Variants in COL4A5 observed in about 807,000 individuals in gnomAD.
The protein encoded by COL4A5 is collagen alpha-5(IV) chain.
COL4A5 carries 26 observed loss-of-function variants against 130.2 expected under a neutral mutation model. The ratio of observed to expected loss-of-function variants is 0.20; its 90% CI spans 0.15 to 0.28. The LOEUF is 0.28. COL4A5 is among the 10% of genes least tolerant of loss of function. The pLI, the probability that COL4A5 is intolerant of heterozygous loss-of-function variation, is 1.00. For missense variants in COL4A5, 1,131 were observed against 1,344.3 expected (o/e 0.84, Z 2.48); for synonymous variants, 496 against 439.6 (o/e 1.13, Z -1.60).
intron 1 of COL4A5, among the ~76,000 whole-genome samples, chrX:108,466,105 G>A (rs2064703121): frequency 9.0e-6 from 1 of 110,871 alleles, no homozygotes; most frequent in Non-Finnish European, 1.9e-5. Flanking sequence ...GAATAATTTT[G>A]CATTGTATGG....
At position 108,578,004 on chromosome X, in the gene COL4A5, T is replaced by C. The variant is rs1049914060; in HGVS notation, c.645+17T>C. Reference sequence around the variant, plus strand: ...GGACCTAAGGTAATTTTCTTTTTCTTTATATCTTTTATTTGGTGTGGATTC... The same window carrying C: ...GGACCTAAGGTAATTTTCTTTTTCTCTATATCTTTTATTTGGTGTGGATTC... On this transcript the variant is annotated intron_variant, in intron 11 of 52. Transcript: ENST00000328300. 1 of 1,200,780 alleles carries C rather than the reference T, an allele frequency of 8.3e-7. No individual in the cohort carries two copies. Among genetic ancestry groups the C allele is most frequent in the African/African-American group, 1.8e-5 (1 of 56,790 alleles).
intron 36 of COL4A5, among the ~76,000 whole-genome samples, chrX:108,654,514 C>T (rs1176362170): frequency 8.9e-6 from 1 of 112,776 alleles, no homozygotes; most frequent in Non-Finnish European, 1.9e-5. Context: ...GGCATGATCA[C>T]GGCTCAATAT....
At chrX:108,462,925 C>T (rs2064667833) in intron 1 of COL4A5, 1 of 112,069 alleles carries the variant, frequency 8.9e-6, no homozygotes, top group Non-Finnish European at 1.9e-5. Context: ...ACATATTCTT[C>T]TTGTCCTTCC....
At chrX:108,681,688 CT>C in intron 46 of COL4A5, 71 bp from the exon 47 acceptor site, 18 of 1,197,073 alleles carry the variant, frequency 1.5e-5, no homozygotes, top group Non-Finnish European at 2.0e-5. Flanking sequence ...TTGTCCTGAA[CT>C]TAGGTCACTT....
chrX:108,569,741 A>G (rs1283704997), intron 6 of COL4A5, among the ~76,000 whole-genome samples: 1 of 110,649 alleles, frequency 9.0e-6, no homozygotes, highest in Non-Finnish European at 1.9e-5. Context: ...GTGCAATGTC[A>G]CGATCTCGGC....
intron 36 of COL4A5, chrX:108,626,957 C>T: frequency 8.1e-6 from 6 of 745,242 alleles, no homozygotes; most frequent in Non-Finnish European, 7.9e-6. Context: ...AGACCACAGA[C>T]CTAAAAAGTA....
At chrX:108,635,422 ACT>A (rs751674421) in intron 36 of COL4A5, among the ~76,000 whole-genome samples, 9 of 111,450 alleles carry the variant, frequency 8.1e-5, no homozygotes, top group Non-Finnish European at 1.7e-4. Flanking sequence ...AAATATAATG[ACT>A]CTATGGAACT....
At chrX:108,561,632 G>A (rs967489281) in intron 3 of COL4A5, among the ~76,000 whole-genome samples, 1 of 110,271 alleles carries the variant, frequency 9.1e-6, no homozygotes, top group African/African-American at 3.3e-5. Context: ...AAGGAAAACT[G>A]GCTTAAAACC....
chrX:108,571,564 A>G (rs368401149), intron 7 of COL4A5, 98 bp downstream of exon 7: 3 of 692,079 alleles, frequency 4.3e-6, no homozygotes, highest in East Asian at 3.2e-5. Flanking sequence ...GAACAAAGTA[A>G]TACATTTTAA....
In COL4A5 at chrX:108,680,696, G is replaced by A. The variant is rs752288966; in HGVS notation, c.3960G>A (p.Pro1320=). The A allele has an allele frequency of 5.9e-5, 71 of 1,207,592 alleles. 1 individual carries two copies. The Admixed American group carries it at 1.4e-3, about 24-fold the overall frequency. ...PPGLQGNPGR[P]GLNGMKGDPG... ...TTATTCAGGGTAATCCTGGCCGGCC[G>A]GGTCTCAATGGAATGAAAGGAGATC... The change falls in exon 45 of 53, where the codon CCG becomes CCA. Residue 1320 remains proline, a synonymous_variant. Coordinates refer to ENST00000328300, the MANE Select transcript of COL4A5 (RefSeq NM_033380.3).
intron 30 of COL4A5, among the ~76,000 whole-genome samples, chrX:108,619,364 G>A (rs1486326177): frequency 8.9e-6 from 1 of 111,765 alleles, no homozygotes; most frequent in Admixed American, 9.5e-5. Flanking sequence ...GTTTCCAATT[G>A]GTTATGGCAT....
intron 36 of COL4A5, among the ~76,000 whole-genome samples, chrX:108,632,115 A>G (rs867687174): frequency 3.6e-5 from 4 of 111,721 alleles, no homozygotes; most frequent in Middle Eastern, 4.6e-3. Context: ...AGAAGAATCA[A>G]ATCGACAAAA....
intron 34 of COL4A5, among the ~76,000 whole-genome samples, chrX:108,625,062 T>C (rs1158656634): frequency 9.0e-6 from 1 of 111,568 alleles, no homozygotes; most frequent in Non-Finnish European, 1.9e-5. Flanking sequence ...TTTTCCAAGT[T>C]AGAAGTCATT....
rs146082507 is a variant in COL4A5 at position 108,537,464 on chromosome X, T to C, written c.82-2282T>C. On this transcript the variant is annotated intron_variant, in intron 1 of 52. Coordinates refer to ENST00000328300, the MANE Select transcript of COL4A5 (RefSeq NM_033380.3). ...TTGTAAAATGACATGCGAGAGTATT[T>C]AAGGTTTTGCTTGTTTATAAATTAT... Among the ~76,000 whole-genome samples, 242 of 111,842 alleles carry C rather than the reference T, an allele frequency of 2.2e-3. 1 individual carries two copies. The highest frequency in any genetic ancestry group is 3.8e-3 in the Non-Finnish European group (200 of 53,012).
chrX:108,452,022 C>T (rs1248701540), intron 1 of COL4A5, among the ~76,000 whole-genome samples: 1 of 111,907 alleles, frequency 8.9e-6, no homozygotes, highest in Non-Finnish European at 1.9e-5. Context: ...GGAAGGGATC[C>T]AGTTTCAGCT....
chrX:108,456,556 C>T (rs1168768716), intron 1 of COL4A5, among the ~76,000 whole-genome samples: 3 of 111,082 alleles, frequency 2.7e-5, no homozygotes, highest in Non-Finnish European at 5.7e-5. Context: ...TCTTTTTGTC[C>T]TGGCTATCTT....
chrX:108,607,488 TC>T (rs1422858518), intron 29 of COL4A5, among the ~76,000 whole-genome samples: 3 of 29,109 alleles, frequency 1.0e-4, no homozygotes, highest in Non-Finnish European at 1.9e-4. Flanking sequence ...CCCCCCACCC[TC>T]CCCCCATACC....
intron 29 of COL4A5, 50 bp downstream of exon 29, chrX:108,606,942 T>C (rs754257638): frequency 6.0e-6 from 7 of 1,173,204 alleles, no homozygotes; most frequent in Admixed American, 2.2e-5. Flanking sequence ...TTTATAGAAA[T>C]TGACACCTTT....
intron 1 of COL4A5, among the ~76,000 whole-genome samples, chrX:108,481,134 T>C (rs12014026): frequency 0.011 from 1,235 of 111,040 alleles, 19 homozygotes; most frequent in African/African-American, 0.038. Context: ...AAAACTCCAT[T>C]AATTACCTGA....
Sources: allele counts gnomAD v4.1 joint callset (sites outside exome capture counted in the v4.1 genomes callset), GRCh38; gene constraint gnomAD v4.1.1; transcripts MANE v1.5; gene names NCBI Gene and HGNC (gene_info 2026-07-23, HGNC 2026-07-21).